Variants in IQCM observed in about 807,000 individuals in gnomAD.
IQCM encodes the protein IQ motif containing M.
IQCM carries 45 observed loss-of-function variants against 57.6 expected under a neutral mutation model. The ratio of observed to expected loss-of-function variants is 0.78; its 90% confidence interval spans 0.62 to 1.00. IQCM has a LOEUF of 1.00. IQCM is among the 50% of genes least tolerant of loss of function. IQCM has a pLI of 0.00. For missense variants in IQCM, 468 were observed against 511.6 expected (o/e 0.91, Z 0.82); for synonymous variants, 148 against 158.9 (o/e 0.93, Z 0.51).
chr4:149,511,614 T>G (rs1318372092), intron 12 of IQCM, among the ~76,000 whole-genome samples: 2 of 152,080 alleles, frequency 1.3e-5, no homozygotes, highest in Non-Finnish European at 2.9e-5. Flanking sequence ...ATCTCCAGTT[T>G]GGGTCTGGTG....
Position 149,497,940 on chromosome 4 carries a change from G to C in IQCM, c.1228+50515C>G, listed in dbSNP as rs147343136. On this transcript the variant is annotated intron_variant, in intron 12 of 13. Coordinates refer to ENST00000636793, the MANE Select transcript of IQCM (RefSeq NM_001363507.2). Reference sequence around the variant, plus strand: ...GTTCTCCTGCCACCAAATTGTAACTGATGTTCTGATGCTCTGATGCTCCAA... The same window carrying C: ...GTTCTCCTGCCACCAAATTGTAACTCATGTTCTGATGCTCTGATGCTCCAA... Among the ~76,000 whole-genome samples the C allele has an allele frequency of 3.0e-4, 46 of 152,120 alleles. No individual in the cohort carries two copies. The East Asian group carries it at 7.7e-3, about 26-fold the overall frequency.
chr4:149,789,919 C>T, intron 2 of IQCM: 2 of 201,054 alleles, frequency 9.9e-6, no homozygotes, highest in South Asian at 2.6e-4. Context: ...AAGGCAAAGG[C>T]AAAAAGGCAA....
intron 5 of IQCM, among the ~76,000 whole-genome samples, chr4:149,705,837 T>A (rs1231874765): frequency 6.6e-6 from 1 of 151,948 alleles, no homozygotes; most frequent in Non-Finnish European, 1.5e-5. Context: ...TTATTATATT[T>A]AAAGTCAATG....
rs563271013 is a variant in IQCM at position 149,646,583 on chromosome 4, T to C, written c.566-25339A>G. On this transcript the variant is annotated intron_variant, in intron 7 of 13. Transcript: ENST00000636793. ...TTGACAAACTTTTTACTTCAACTTT[T>C]CTATATCCTATGTTTTAAACATGTC... Among the ~76,000 whole-genome samples the C allele has an allele frequency of 4.0e-4, 61 of 152,364 alleles. 2 individuals are homozygous for C. The highest frequency in any genetic ancestry group is 1.4e-3 in the African/African-American group (58 of 41,580).
intron 9 of IQCM, among the ~76,000 whole-genome samples, chr4:149,579,286 G>A (rs78574346): frequency 6.6e-6 from 1 of 151,870 alleles, no homozygotes; most frequent in East Asian, 2.0e-4. Flanking sequence ...GCTTATGAGT[G>A]AGGAAGTACA....
At chr4:149,544,375 C>T (rs906492765) in intron 12 of IQCM, among the ~76,000 whole-genome samples, 3 of 151,990 alleles carry the variant, frequency 2.0e-5, no homozygotes, top group African/African-American at 7.2e-5. Flanking sequence ...AAGATCTGTA[C>T]CCTGAAAACC....
rs185036004 is a variant in IQCM, at chr4:149,584,887, G to A, written c.749+3043C>T. On this transcript the variant is annotated intron_variant, in intron 9 of 13. Coordinates refer to ENST00000636793, the MANE Select transcript of IQCM (RefSeq NM_001363507.2). Reference sequence around the variant, plus strand: ...AAGGCAACCAAGAATAGGAGTGGGTGTTCACATTAGCAGTCATTCCAGACC... The same window carrying A: ...AAGGCAACCAAGAATAGGAGTGGGTATTCACATTAGCAGTCATTCCAGACC... 6.1e-4 allele frequency among the ~76,000 whole-genome samples: 92 copies of A among 151,882 alleles called. No individual in the cohort carries two copies. The Middle Eastern group carries it at 0.01, about 17-fold the overall frequency.
intron 8 of IQCM, among the ~76,000 whole-genome samples, chr4:149,619,970 A>G (rs1464707204): frequency 6.6e-6 from 1 of 152,102 alleles, no homozygotes. Context: ...CAGCCTAACC[A>G]ATATGGTGAA....
chr4:149,542,727 T>C (rs1351127244), intron 12 of IQCM, among the ~76,000 whole-genome samples: 1 of 152,092 alleles, frequency 6.6e-6, no homozygotes, highest in Non-Finnish European at 1.5e-5. Context: ...TGAAGATAAT[T>C]ATAGAAGTTT....
intron 5 of IQCM, among the ~76,000 whole-genome samples, chr4:149,709,374 C>A (rs72726197): frequency 0.24 from 35,880 of 151,884 alleles, 4,804 homozygotes; most frequent in Non-Finnish European, 0.28. Flanking sequence ...CTCTTTTTAC[C>A]AAAGCACTTT....
intron 13 of IQCM, among the ~76,000 whole-genome samples, chr4:149,385,957 ACTCT>A (rs1731394479): frequency 6.6e-6 from 1 of 151,626 alleles, no homozygotes; most frequent in African/African-American, 2.4e-5. Flanking sequence ...CCCTTTCCTT[ACTCT>A]CTCATTCACT....
intron 12 of IQCM, among the ~76,000 whole-genome samples, chr4:149,465,159 A>AT (rs1197401804): frequency 1.3e-5 from 2 of 152,276 alleles, no homozygotes; most frequent in South Asian, 2.1e-4. Context: ...TTTATATAAG[A>AT]TTTTTTTACA....
At position 149,638,340 on chromosome 4, in the gene IQCM, T is replaced by C. The variant is rs554483325; in HGVS notation, c.566-17096A>G. On this transcript the variant is annotated intron_variant, in intron 7 of 13. Coordinates refer to ENST00000636793, the MANE Select transcript of IQCM (RefSeq NM_001363507.2). The stretch of plus-strand genomic sequence containing the variant: ...GCTGATGAGAGTGTAAAATGGTATG[T>C]GGGAAAACTCTTTTGTTTCTTAAGT... Among the ~76,000 whole-genome samples the C allele has an allele frequency of 5.6e-4, 85 of 152,176 alleles. 2 individuals carry two copies. In the South Asian group the frequency reaches 0.016, roughly 28 times the overall value.
intron 5 of IQCM, among the ~76,000 whole-genome samples, chr4:149,699,018 T>C (rs563224515): frequency 6.6e-6 from 1 of 152,166 alleles, no homozygotes; most frequent in East Asian, 1.9e-4. Context: ...TATAAAGATA[T>C]GAATTTTAAT....
intron 13 of IQCM, among the ~76,000 whole-genome samples, chr4:149,416,887 TC>T (rs1733786204): frequency 1.3e-5 from 2 of 152,250 alleles, no homozygotes; most frequent in East Asian, 3.9e-4. Context: ...AGGTATGTTT[TC>T]AGCACTGGAA....
chr4:149,810,640 C>T (rs898663117), intron 2 of IQCM, among the ~76,000 whole-genome samples: 6 of 151,770 alleles, frequency 4.0e-5, no homozygotes, highest in South Asian at 2.1e-4. Context: ...TTAGTAGAGA[C>T]GGGGTTTCAC....
intron 2 of IQCM, among the ~76,000 whole-genome samples, chr4:149,743,489 A>C (rs1167400160): frequency 3.8e-5 from 2 of 53,122 alleles, no homozygotes; most frequent in Admixed American, 3.0e-4. Context: ...AGTCCTATAC[A>C]TTCCCAGTTA....
intron 13 of IQCM, among the ~76,000 whole-genome samples, chr4:149,385,374 G>A (rs1255584043): frequency 6.6e-6 from 1 of 152,006 alleles, no homozygotes; most frequent in East Asian, 1.9e-4. Context: ...GAATAACAGG[G>A]GACAAAGGCA....
At chr4:149,716,504 A>C (rs1431154929) in intron 5 of IQCM, among the ~76,000 whole-genome samples, 1 of 152,176 alleles carries the variant, frequency 6.6e-6, no homozygotes, top group Non-Finnish European at 1.5e-5. Flanking sequence ...AGGCAGCTGC[A>C]GCTGCGCCAA....
Sources: allele counts gnomAD v4.1 joint callset (sites outside exome capture counted in the v4.1 genomes callset), GRCh38; gene constraint gnomAD v4.1.1; transcripts MANE v1.5; gene names NCBI Gene and HGNC (gene_info 2026-07-23, HGNC 2026-07-21).